Variants in RARB observed in about 807,000 individuals in gnomAD.
The protein encoded by RARB is retinoic acid receptor beta.
In RARB, 17 loss-of-function variants were observed where a neutral mutation model predicts 51.9. The observed-to-expected ratio is 0.33, with a 90% CI of 0.22 to 0.49. RARB has a LOEUF of 0.49. Ranked by LOEUF, RARB falls within the 20% of genes least tolerant of loss-of-function variation. The pLI, the probability that RARB is intolerant of heterozygous loss-of-function variation, is 0.99. For missense variants in RARB, 369 were observed against 550.8 expected (o/e 0.67, Z 3.30); for synonymous variants, 215 against 195.4 (o/e 1.10, Z -0.84).
intron 5 of RARB, among the ~76,000 whole-genome samples, chr3:25,202,449 G>T (rs534354689): frequency 1.8e-4 from 27 of 152,168 alleles, no homozygotes; most frequent in South Asian, 2.1e-4. Flanking sequence ...GTTCTGCTCT[G>T]ATCTTAGTTA....
intron 2 of RARB, among the ~76,000 whole-genome samples, chr3:25,466,576 C>G (rs996156956): frequency 6.6e-6 from 1 of 152,174 alleles, no homozygotes. Flanking sequence ...TAGTACTGTT[C>G]TTGTAGTGTT....
intron 5 of RARB, among the ~76,000 whole-genome samples, chr3:25,320,318 T>G (rs1375047598): frequency 2.0e-5 from 3 of 152,186 alleles, no homozygotes; most frequent in Non-Finnish European, 4.4e-5. Context: ...GCTCATAATG[T>G]CTTATCACCA....
chr3:25,252,493 C>T (rs1702751197), intron 5 of RARB, among the ~76,000 whole-genome samples: 1 of 152,078 alleles, frequency 6.6e-6, no homozygotes, highest in Non-Finnish European at 1.5e-5. Flanking sequence ...TATATCTTTC[C>T]ATTTATTTAG....
chr3:25,097,598 C>T (rs1471710022), intron 3 of RARB, among the ~76,000 whole-genome samples: 1 of 152,122 alleles, frequency 6.6e-6, no homozygotes, highest in Non-Finnish European at 1.5e-5. Flanking sequence ...GGAAGAGCCA[C>T]CATACTCCAG....
chr3:25,333,820 C>T (rs185596135), intron 5 of RARB, among the ~76,000 whole-genome samples: 4 of 152,238 alleles, frequency 2.6e-5, no homozygotes, highest in East Asian at 3.9e-4. Flanking sequence ...AGAACTTAAA[C>T]GGATTTACAA....
chr3:25,095,089 C>T (rs1317351506), intron 3 of RARB, among the ~76,000 whole-genome samples: 2 of 152,106 alleles, frequency 1.3e-5, no homozygotes, highest in South Asian at 2.1e-4. Context: ...TTCCCTTTGG[C>T]TCAAGACTTA....
At chr3:25,214,544 T>C (rs1400486431) in intron 5 of RARB, among the ~76,000 whole-genome samples, 1 of 152,222 alleles carries the variant, frequency 6.6e-6, no homozygotes, top group African/African-American at 2.4e-5. Context: ...TAAGTCTGTA[T>C]TTTTCACATC....
At chr3:24,962,893 C>G (rs1696172727) in intron 2 of RARB, among the ~76,000 whole-genome samples, 1 of 152,140 alleles carries the variant, frequency 6.6e-6, no homozygotes, top group Non-Finnish European at 1.5e-5. Flanking sequence ...AAGGTAGATT[C>G]CATTGTTAGC....
intron 2 of RARB, among the ~76,000 whole-genome samples, chr3:24,909,336 A>G (rs1195838184): frequency 6.6e-6 from 1 of 152,178 alleles, no homozygotes; most frequent in Non-Finnish European, 1.5e-5. Flanking sequence ...ATGAATTAGC[A>G]CACACATGAT....
chr3:25,585,720 G>A (rs377287054), intron 5 of RARB, among the ~76,000 whole-genome samples: 4 of 152,186 alleles, frequency 2.6e-5, no homozygotes, highest in Non-Finnish European at 4.4e-5. Flanking sequence ...TGCCTCTGCC[G>A]GGGTTGCCCT....
chr3:25,052,554 A>C (rs1698353069), intron 2 of RARB, among the ~76,000 whole-genome samples: 1 of 152,220 alleles, frequency 6.6e-6, no homozygotes, highest in African/African-American at 2.4e-5. Flanking sequence ...ATGTACAAGA[A>C]AAAACTAAAA....
At chr3:25,265,726 C>G (rs1332294728) in intron 5 of RARB, among the ~76,000 whole-genome samples, 1 of 152,160 alleles carries the variant, frequency 6.6e-6, no homozygotes, top group Non-Finnish European at 1.5e-5. Flanking sequence ...CACGCCTCCG[C>G]CTCCCAAAGT....
At chr3:25,461,414 C>A in intron 2 of RARB, 73 bp downstream of exon 2, 1 of 1,519,514 alleles carries the variant, frequency 6.6e-7, no homozygotes. Flanking sequence ...CTACCCAGTT[C>A]CAAAAATGGG....
At chr3:25,196,211 C>T (rs372980605) in intron 5 of RARB, among the ~76,000 whole-genome samples, 4 of 151,810 alleles carry the variant, frequency 2.6e-5, no homozygotes, top group African/African-American at 9.7e-5. Flanking sequence ...CTAATACTAC[C>T]CCTCCCCCAT....
At chr3:24,995,101 C>T (rs540986169) in intron 2 of RARB, among the ~76,000 whole-genome samples, 1 of 152,076 alleles carries the variant, frequency 6.6e-6, no homozygotes, top group South Asian at 2.1e-4. Flanking sequence ...TTCAAAAATA[C>T]TGATTCTTCC....
chr3:25,172,507 G>A (rs1270479920), intron 4 of RARB, among the ~76,000 whole-genome samples: 1 of 152,204 alleles, frequency 6.6e-6, no homozygotes, highest in Non-Finnish European at 1.5e-5. Context: ...TTAGAACATT[G>A]TAGGGTTTAT....
intron 3 of RARB, among the ~76,000 whole-genome samples, chr3:25,553,446 C>T (rs935862321): frequency 6.6e-5 from 10 of 152,130 alleles, no homozygotes; most frequent in African/African-American, 9.7e-5. Context: ...TTTCTGACCA[C>T]GTTATTTTCC....
At chr3:24,934,482 C>G (rs562536942) in intron 2 of RARB, among the ~76,000 whole-genome samples, 12 of 152,130 alleles carry the variant, frequency 7.9e-5, no homozygotes, top group Non-Finnish European at 1.2e-4. Context: ...TATGAAATTT[C>G]TTTTATGAAA....
chr3:24,904,934 TTC>T (rs1450926781), intron 2 of RARB, among the ~76,000 whole-genome samples: 1 of 152,178 alleles, frequency 6.6e-6, no homozygotes, highest in Non-Finnish European at 1.5e-5. Flanking sequence ...ACACTGCGTG[TTC>T]TCAGTCGTTA....
Sources: allele counts gnomAD v4.1 joint callset (sites outside exome capture counted in the v4.1 genomes callset), GRCh38; gene constraint gnomAD v4.1.1; transcripts MANE v1.5; gene names NCBI Gene and HGNC (gene_info 2026-07-23, HGNC 2026-07-21).